The following BRINP3 variants were observed in gnomAD, a reference collection of about 807,000 sequenced individuals.
The protein encoded by BRINP3 is BMP/retinoic acid-inducible neural-specific protein 3.
A neutral mutation model predicts 71.0 loss-of-function variants in BRINP3; 19 were observed. The ratio of observed to expected loss-of-function variants is 0.27; its 90% CI spans 0.19 to 0.39. BRINP3 has a LOEUF of 0.39. BRINP3 is among the 10% of genes least tolerant of loss of function. The probability of loss-of-function intolerance (pLI) is 1.00; values close to 1 mark genes in which losing one functional copy is unlikely to be tolerated. For synonymous variants in BRINP3, 380 were observed against 337.7 expected (o/e 1.13, Z -1.37); for missense variants, 959 against 940.8 (o/e 1.02, Z -0.25).
At chr1:190,282,123 G>C (rs1293748275) in intron 2 of BRINP3, among the ~76,000 whole-genome samples, 1 of 151,814 alleles carries the variant, frequency 6.6e-6, no homozygotes, top group African/African-American at 2.4e-5. Context: ...AAAAAAGAAT[G>C]ATTTATATTC....
intron 2 of BRINP3, among the ~76,000 whole-genome samples, chr1:190,369,857 TTAAAC>T (rs1181911557): frequency 1.3e-5 from 2 of 152,066 alleles, no homozygotes; most frequent in Non-Finnish European, 2.9e-5. Context: ...AAAATAATGT[TTAAAC>T]TAATAATTAA....
chr1:190,139,502 T>A (rs1198349635), intron 7 of BRINP3, among the ~76,000 whole-genome samples: 1 of 151,558 alleles, frequency 6.6e-6, no homozygotes, highest in Non-Finnish European at 1.5e-5. Flanking sequence ...ATGATCTTTG[T>A]CATCTGACAT....
intron 2 of BRINP3, among the ~76,000 whole-genome samples, chr1:190,331,415 C>G (rs897487229): frequency 6.6e-6 from 1 of 151,958 alleles, no homozygotes; most frequent in Non-Finnish European, 1.5e-5. Context: ...TCCATTAGAA[C>G]AATAGTTTAC....
chr1:190,454,606 C>T, intron 2 of BRINP3, 49 bp downstream of exon 2: 4 of 1,503,166 alleles, frequency 2.7e-6, no homozygotes, highest in Middle Eastern at 1.7e-4. Context: ...TATGTATACA[C>T]AACCTTCAAG....
At chr1:190,405,190 G>A (rs964577100) in intron 2 of BRINP3, among the ~76,000 whole-genome samples, 2 of 151,930 alleles carry the variant, frequency 1.3e-5, no homozygotes, top group African/African-American at 4.8e-5. Flanking sequence ...AGTGGCTCAC[G>A]CCTGTAATCC....
Position 190,296,241 on chromosome 1 carries a change from AAC to A in BRINP3, c.237-14493_237-14492del, listed in dbSNP as rs200942481. Reference sequence around the variant, plus strand: ...CCACAAACATTAAAAATTAAAAAAAAACATGGGATGTAAGGATGATTTGATAT... The same window carrying A: ...CCACAAACATTAAAAATTAAAAAAAAATGGGATGTAAGGATGATTTGATAT... On this transcript the variant is annotated intron_variant, in intron 2 of 7. Coordinates refer to ENST00000367462, the MANE Select transcript of BRINP3 (RefSeq NM_199051.3). 5.6e-3 allele frequency among the ~76,000 whole-genome samples: 700 copies of A among 125,670 alleles called. 9 individuals are homozygous for A. Among genetic ancestry groups the A allele is most frequent in the Non-Finnish European group, 9.7e-3 (505 of 52,252 alleles). 82.4% of individuals were successfully genotyped at this position (125,670 alleles called of 152,430 possible). A position where few individuals can be genotyped will look rare whatever the true frequency, so the allele number is the denominator to read the frequency against.
chr1:190,309,047 T>G (rs760209089), intron 2 of BRINP3, among the ~76,000 whole-genome samples: 1 of 151,962 alleles, frequency 6.6e-6, no homozygotes, highest in Non-Finnish European at 1.5e-5. Context: ...GCAACCCAAG[T>G]GTACATCAAC....
intron 7 of BRINP3, among the ~76,000 whole-genome samples, chr1:190,136,964 G>T (rs1571805809): frequency 6.6e-6 from 1 of 151,700 alleles, no homozygotes. Flanking sequence ...TAAAAGCTGG[G>T]GTATGGTAAT....
At chr1:190,466,362 GA>G (rs1262745120) in intron 1 of BRINP3, among the ~76,000 whole-genome samples, 1 of 151,656 alleles carries the variant, frequency 6.6e-6, no homozygotes, top group Non-Finnish European at 1.5e-5. Flanking sequence ...CATACAAGGT[GA>G]AATGAGCTGT....
intron 7 of BRINP3, among the ~76,000 whole-genome samples, chr1:190,149,390 A>C (rs755084219): frequency 1.3e-5 from 2 of 152,204 alleles, no homozygotes; most frequent in African/African-American, 4.8e-5. Flanking sequence ...CTTTCAAAAT[A>C]TCTCTCCATA....
At chr1:190,279,968 G>A (rs1387822571) in intron 3 of BRINP3, among the ~76,000 whole-genome samples, 1 of 151,880 alleles carries the variant, frequency 6.6e-6, no homozygotes, top group Non-Finnish European at 1.5e-5. Context: ...AGAACCTACT[G>A]TAAATGAAGG....
At chr1:190,323,013 C>T (rs1666347652) in intron 2 of BRINP3, among the ~76,000 whole-genome samples, 1 of 151,990 alleles carries the variant, frequency 6.6e-6, no homozygotes, top group Non-Finnish European at 1.5e-5. Flanking sequence ...TTTGAGGATT[C>T]AAGGTCTTAA....
At position 190,264,775 on chromosome 1, in the gene BRINP3, C is replaced by A. The variant is rs951691475; in HGVS notation, c.618+90G>T. On this transcript the variant is annotated intron_variant, in intron 4 of 7. Coordinates refer to ENST00000367462, the MANE Select transcript of BRINP3 (RefSeq NM_199051.3). ...TTTTTATAAAATAATTGTTTAAATT[C>A]ATGGAATAAGCAAATACATAAAAAT... 4.1e-6 allele frequency: 4 copies of A among 976,644 alleles called. No homozygotes were observed. In the Admixed American group the frequency reaches 1.1e-4, roughly 27 times the overall value. The allele number at this position is 976,644 out of a possible 1,614,324, so 60.5% of individuals were successfully genotyped here. A position where few individuals can be genotyped will look rare whatever the true frequency, so the allele number is the denominator to read the frequency against.
chr1:190,287,065 A>T (rs1279565875), intron 2 of BRINP3, among the ~76,000 whole-genome samples: 1 of 145,710 alleles, frequency 6.9e-6, no homozygotes, highest in Non-Finnish European at 1.5e-5. Flanking sequence ...CTAAAAAAAA[A>T]AAGAAAAAAA....
chr1:190,319,918 T>C (rs1666125898), intron 2 of BRINP3, among the ~76,000 whole-genome samples: 1 of 152,076 alleles, frequency 6.6e-6, no homozygotes, highest in East Asian at 1.9e-4. Flanking sequence ...ACTAAATCTA[T>C]CACTTATAAA....
intron 1 of BRINP3, among the ~76,000 whole-genome samples, chr1:190,471,572 A>C (rs1558316366): frequency 6.6e-6 from 1 of 151,364 alleles, no homozygotes; most frequent in Non-Finnish European, 1.5e-5. Context: ...AACACCAAAA[A>C]TGCCGGATGT....
intron 6 of BRINP3, among the ~76,000 whole-genome samples, chr1:190,225,634 A>C (rs573369426): frequency 9.9e-5 from 15 of 152,174 alleles, no homozygotes; most frequent in African/African-American, 2.6e-4. Context: ...AAAACACTAT[A>C]AAATTAAAAT....
intron 3 of BRINP3, among the ~76,000 whole-genome samples, chr1:190,270,966 A>G (rs917866679): frequency 6.6e-6 from 1 of 151,648 alleles, no homozygotes; most frequent in Non-Finnish European, 1.5e-5. Flanking sequence ...TCTTCAATTG[A>G]GTAATATATT....
intron 7 of BRINP3, among the ~76,000 whole-genome samples, chr1:190,111,255 G>A (rs7533811): frequency 0.049 from 7,208 of 146,298 alleles, 621 homozygotes; most frequent in African/African-American, 0.17. Flanking sequence ...CTTTGGACCC[G>A]ATGGTAATCA....
Sources: allele counts gnomAD v4.1 joint callset (sites outside exome capture counted in the v4.1 genomes callset), GRCh38; gene constraint gnomAD v4.1.1; transcripts MANE v1.5; gene names NCBI Gene and HGNC (gene_info 2026-07-23, HGNC 2026-07-21).